Variants in MYMX observed in about 807,000 individuals in gnomAD.
MYMX encodes the protein myomixer, myoblast fusion factor.
At chr6:44,213,484 C>T (rs747214692), upstream of MYMX, among the ~76,000 whole-genome samples, 1 of 148,368 alleles carries the variant, frequency 6.7e-6, no homozygotes, top group Non-Finnish European at 1.5e-5. Context: ...TGCAATGGCG[C>T]GATCTCCACT....
Position 44,217,675 on chromosome 6 carries a change from C to T in MYMX, c.204C>T (p.Ala68=). Residue 68 remains alanine (A), a synonymous_variant, in exon 2 of 2, where the codon GCC becomes GCT. Transcript: ENST00000573382. ...SQRHSPDAGE[A]SRVDRLERRE... ...GACACTCGCCAGACGCTGGGGAGGC[C>T]TCAAGAGTGGACCGCCTGGAGAGGA... 1 of 401,012 alleles carries T rather than the reference C, an allele frequency of 2.5e-6. No homozygotes were observed. The highest frequency in any genetic ancestry group is 1.3e-4 in the South Asian group (1 of 7,958). 24.8% of individuals were successfully genotyped at this position (401,012 alleles called of 1,614,324 possible). A position where few individuals can be genotyped will look rare whatever the true frequency, so the allele number is the denominator to read the frequency against.
At chr6:44,212,160 G>T (rs1258010672), upstream of MYMX, among the ~76,000 whole-genome samples, 2 of 151,172 alleles carry the variant, frequency 1.3e-5, no homozygotes, top group Admixed American at 1.3e-4. Flanking sequence ...AGGCGGGAGG[G>T]TCACTTGGGC....
chr6:44,211,788 T>TTTTTTTTGTGTGTGTGTGTGTG, the MYMX span, among the ~76,000 whole-genome samples: 3 of 126,382 alleles, frequency 2.4e-5, no homozygotes, highest in African/African-American at 9.4e-5. Flanking sequence ...CAGCTAGGTT[T>TTTTTTTTGTGTGTGTGTGTGTG]TGTGTGTGTG....
chr6:44,205,998 CA>C, the MYMX span, among the ~76,000 whole-genome samples: 1 of 91,190 alleles, frequency 1.1e-5, no homozygotes, highest in Non-Finnish European at 2.1e-5. Context: ...AAAAACAAAA[CA>C]AAAAAAAACC....
In MYMX at chr6:44,217,472, ATGCCCACGCCACTGCTCCCGC is replaced by A. The variant is rs1214510020; in HGVS notation, c.5_25del (p.ProThrProLeuLeuProLeu2_?8). The A allele has an allele frequency of 2.5e-6, 1 of 402,594 alleles. No homozygotes were observed. The highest frequency in any genetic ancestry group is 2.1e-5 in the African/African-American group (1 of 48,736). 24.9% of individuals were successfully genotyped at this position (402,594 alleles called of 1,614,324 possible). A position where few individuals can be genotyped will look rare whatever the true frequency, so the allele number is the denominator to read the frequency against. ...CAGGCACTGACTCACTGGCCCTGCCATGCCCACGCCACTGCTCCCGCTGCTGCTTCGATTGCTGCTGTCCTG... is the reference window on the plus strand; with the variant it reads ...CAGGCACTGACTCACTGGCCCTGCCATGCTGCTTCGATTGCTGCTGTCCTG... On this transcript the variant is annotated start_lost and inframe_deletion, in exon 2 of 2. Coordinates refer to ENST00000573382, the MANE Select transcript of MYMX (RefSeq NM_001315494.2).
the MYMX span, among the ~76,000 whole-genome samples, chr6:44,203,671 G>A: frequency 6.6e-6 from 1 of 152,100 alleles, no homozygotes; most frequent in Non-Finnish European, 1.5e-5. Context: ...GGCAGTTTTT[G>A]TGTGACTCAG....
chr6:44,202,613 TC>T, the MYMX span, among the ~76,000 whole-genome samples: 1 of 152,066 alleles, frequency 6.6e-6, no homozygotes, highest in African/African-American at 2.4e-5. Context: ...TGGTTATTTT[TC>T]CAGGAATGCT....
At chr6:44,200,030 T>C in the MYMX span, among the ~76,000 whole-genome samples, 1 of 152,132 alleles carries the variant, frequency 6.6e-6, no homozygotes, top group Admixed American at 6.6e-5. Context: ...CAGTGGCTCA[T>C]GGTAGCCTGT....
the MYMX span, among the ~76,000 whole-genome samples, chr6:44,193,276 C>CTT: frequency 2.0e-5 from 3 of 151,492 alleles, no homozygotes; most frequent in Admixed American, 6.6e-5. Flanking sequence ...TTTTCTTTTT[C>CTT]TTTTTTTTTC....
chr6:44,213,818 A>C (rs1173471002), upstream of MYMX, among the ~76,000 whole-genome samples: 1 of 150,386 alleles, frequency 6.6e-6, no homozygotes, highest in Non-Finnish European at 1.5e-5. Flanking sequence ...ATAAATTTTT[A>C]TTTCTTTTTT....
At chr6:44,207,867 G>A in the MYMX span, among the ~76,000 whole-genome samples, 1 of 152,090 alleles carries the variant, frequency 6.6e-6, no homozygotes, top group Non-Finnish European at 1.5e-5. Flanking sequence ...CGTTTCCTCT[G>A]GGGCTTTAAA....
chr6:44,211,788 T>TTTTGTGTGTGTGTGTGTGTGTG, the MYMX span, among the ~76,000 whole-genome samples: 732 of 126,402 alleles, frequency 5.8e-3, 8 homozygotes, highest in African/African-American at 0.021. Context: ...CAGCTAGGTT[T>TTTTGTGTGTGTGTGTGTGTGTG]TGTGTGTGTG....
At chr6:44,196,223 C>T in the MYMX span, among the ~76,000 whole-genome samples, 1 of 152,206 alleles carries the variant, frequency 6.6e-6, no homozygotes, top group African/African-American at 2.4e-5. Context: ...CACTCCCAGC[C>T]TGGACATCCT....
the MYMX span, among the ~76,000 whole-genome samples, chr6:44,206,449 C>G: frequency 6.6e-6 from 1 of 152,096 alleles, no homozygotes; most frequent in Non-Finnish European, 1.5e-5. Context: ...CCAGGCTGGT[C>G]TAAAACTCCT....
At chr6:44,208,056 C>T in the MYMX span, among the ~76,000 whole-genome samples, 1 of 151,884 alleles carries the variant, frequency 6.6e-6, no homozygotes, top group Admixed American at 6.6e-5. Context: ...GGCAAAACCT[C>T]GTCTCTACAA....
chr6:44,199,221 G>C, the MYMX span, among the ~76,000 whole-genome samples: 1 of 152,002 alleles, frequency 6.6e-6, no homozygotes, highest in Non-Finnish European at 1.5e-5. Context: ...TTAGAGACAG[G>C]ATCTCACTCC....
the MYMX span, among the ~76,000 whole-genome samples, chr6:44,210,512 T>G: frequency 6.6e-6 from 1 of 152,074 alleles, no homozygotes; most frequent in Admixed American, 6.6e-5. Context: ...CTCCAAGGCC[T>G]GGGGGCCTCA....
At chr6:44,203,811 T>C in the MYMX span, among the ~76,000 whole-genome samples, 1 of 152,190 alleles carries the variant, frequency 6.6e-6, no homozygotes, top group Non-Finnish European at 1.5e-5. Context: ...CTCAAGTCCC[T>C]TCTCTCAAGG....
the MYMX span, among the ~76,000 whole-genome samples, chr6:44,194,319 G>A: frequency 6.6e-6 from 1 of 152,218 alleles, no homozygotes. Context: ...TTAAGAGGAA[G>A]ATGGGGCAAG....
Sources: allele counts gnomAD v4.1 joint callset (sites outside exome capture counted in the v4.1 genomes callset), GRCh38; gene constraint gnomAD v4.1.1; transcripts MANE v1.5; gene names NCBI Gene and HGNC (gene_info 2026-07-23, HGNC 2026-07-21).